The following AFF3 variants were observed in gnomAD, a reference collection of about 807,000 sequenced individuals.
AFF3 encodes AF4/FMR2 family member 3.
Under a neutral mutation model 129.7 loss-of-function variants are expected in AFF3, and 32 were observed. That is an observed-to-expected ratio of 0.25 (90% CI 0.19 to 0.33). The LOEUF is 0.33. Among genes scored for constraint, AFF3 ranks in the 10% least tolerant of loss-of-function variants. The pLI is 1.00. For missense variants in AFF3, 1,373 were observed against 1,592.0 expected, an observed-to-expected ratio of 0.86 and a Z score of 2.34; for synonymous variants, 644 against 635.4, an observed-to-expected ratio of 1.01 and a Z score of -0.20.
At chr2:99,752,386 C>A (rs1681728845) in intron 8 of AFF3, 85 bp from the exon 9 acceptor site, 2 of 1,127,794 alleles carry the variant, frequency 1.8e-6, no homozygotes, top group Non-Finnish European at 2.6e-6. Context: ...TACAAGTGGG[C>A]CTTCATAAGG....
chr2:100,007,067 CAT>C, intron 6 of AFF3, 50 bp from the exon 7 acceptor site: 1 of 1,587,624 alleles, frequency 6.3e-7, no homozygotes, highest in Non-Finnish European at 8.6e-7. Context: ...GGGGTCGACA[CAT>C]AGGGATTTTC....
At chr2:99,962,905 C>A (rs138274476) in intron 7 of AFF3, among the ~76,000 whole-genome samples, 1,811 of 148,842 alleles carry the variant, frequency 0.012, 28 homozygotes, top group African/African-American at 0.041. Flanking sequence ...CTGAAAATTT[C>A]TTAAATTTGG....
chr2:100,042,315 G>A (rs546255992), intron 4 of AFF3, among the ~76,000 whole-genome samples: 1 of 152,284 alleles, frequency 6.6e-6, no homozygotes, highest in East Asian at 1.9e-4. Context: ...TCACCATTAT[G>A]CGCCCCGCAC....
intron 24 of AFF3, among the ~76,000 whole-genome samples, chr2:99,552,354 C>T (rs1674490261): frequency 6.6e-6 from 1 of 152,160 alleles, no homozygotes; most frequent in South Asian, 2.1e-4. Context: ...TGTGCCACTG[C>T]ACTCCAGCCT....
intron 7 of AFF3, among the ~76,000 whole-genome samples, chr2:99,983,070 G>A (rs1679555343): frequency 6.6e-6 from 1 of 152,190 alleles, no homozygotes; most frequent in Non-Finnish European, 1.5e-5. Flanking sequence ...GCCCCTTAAA[G>A]AACTATCCAG....
At chr2:99,797,527 C>A (rs1168782959) in intron 8 of AFF3, among the ~76,000 whole-genome samples, 1 of 151,830 alleles carries the variant, frequency 6.6e-6, no homozygotes. Context: ...AATGAAGGAA[C>A]AAAACTGTAA....
intron 8 of AFF3, among the ~76,000 whole-genome samples, chr2:99,809,172 T>C (rs1686593779): frequency 6.6e-6 from 1 of 152,180 alleles, no homozygotes; most frequent in South Asian, 2.1e-4. Flanking sequence ...ATGAAAGAAG[T>C]TTCTGGAAGG....
intron 13 of AFF3, among the ~76,000 whole-genome samples, chr2:99,603,779 T>C (rs1324804494): frequency 6.6e-6 from 1 of 151,994 alleles, no homozygotes; most frequent in Non-Finnish European, 1.5e-5. Flanking sequence ...TTAAACAAAT[T>C]TACAAGAAAA....
At chr2:99,794,297 G>C (rs577021849) in intron 8 of AFF3, among the ~76,000 whole-genome samples, 1 of 152,280 alleles carries the variant, frequency 6.6e-6, no homozygotes. Context: ...GATGAAGTTT[G>C]TTTTGTCGAG....
intron 4 of AFF3, among the ~76,000 whole-genome samples, chr2:100,041,276 A>T (rs1685406584): frequency 6.6e-6 from 1 of 152,254 alleles, no homozygotes; most frequent in Admixed American, 6.5e-5. Flanking sequence ...CTCACTCATA[A>T]GTAAAGATTA....
intron 4 of AFF3, among the ~76,000 whole-genome samples, chr2:100,041,768 A>G (rs1043646623): frequency 6.6e-6 from 1 of 152,342 alleles, no homozygotes; most frequent in Admixed American, 6.5e-5. Flanking sequence ...GATATAATTC[A>G]TTGACTCATT....
chr2:99,900,881 C>T (rs371623508), intron 7 of AFF3, among the ~76,000 whole-genome samples: 9 of 152,316 alleles, frequency 5.9e-5, no homozygotes, highest in Admixed American at 1.3e-4. Flanking sequence ...GGCTCAATTC[C>T]GTGACGGCAG....
chr2:99,927,248 A>G (rs1296617764), intron 7 of AFF3, among the ~76,000 whole-genome samples: 1 of 152,214 alleles, frequency 6.6e-6, no homozygotes, highest in African/African-American at 2.4e-5. Context: ...TCTCCAGGGC[A>G]CTCTGAAAAG....
At chr2:99,606,307 C>T (rs575884831) in intron 13 of AFF3, among the ~76,000 whole-genome samples, 14 of 152,212 alleles carry the variant, frequency 9.2e-5, no homozygotes, top group African/African-American at 2.6e-4. Flanking sequence ...AATGATAACA[C>T]GGATTGGTTG....
At chr2:99,671,045 G>A (rs1227480742) in intron 12 of AFF3, among the ~76,000 whole-genome samples, 1 of 152,092 alleles carries the variant, frequency 6.6e-6, no homozygotes, top group Admixed American at 6.5e-5. Context: ...ATACTTCCTG[G>A]AAATAGCTCA....
chr2:100,054,210 C>T (rs1686586740), intron 4 of AFF3, among the ~76,000 whole-genome samples: 1 of 152,190 alleles, frequency 6.6e-6, no homozygotes, highest in Non-Finnish European at 1.5e-5. Flanking sequence ...GGGAAAGTTA[C>T]ATCCTCTGAG....
intron 7 of AFF3, among the ~76,000 whole-genome samples, chr2:99,983,479 T>C (rs1164758906): frequency 1.1e-4 from 16 of 152,240 alleles, no homozygotes; most frequent in Non-Finnish European, 2.4e-4. Flanking sequence ...TTGTTATTAA[T>C]ATAGCCTGGA....
At chr2:100,035,670 C>T (rs572276788) in intron 4 of AFF3, among the ~76,000 whole-genome samples, 1 of 152,194 alleles carries the variant, frequency 6.6e-6, no homozygotes, top group African/African-American at 2.4e-5. Context: ...TCTATATATC[C>T]TCAGTACCTA....
At chr2:99,867,004 A>ATAATAATAATAAT (rs1347678890) in intron 7 of AFF3, among the ~76,000 whole-genome samples, 1 of 102,962 alleles carries the variant, frequency 9.7e-6, no homozygotes. Flanking sequence ...TAATAATAAA[A>ATAATAATAATAAT]AATAAATAAA....
Sources: gnomAD v4.1 joint callset for allele counts (sites outside exome capture counted in the v4.1 genomes callset) on GRCh38, gnomAD v4.1.1 for gene constraint, MANE v1.5 for transcripts, NCBI Gene and HGNC (gene_info 2026-07-23, HGNC 2026-07-21) for gene names.